The following GPR157 variants were observed in gnomAD, a reference collection of about 807,000 sequenced individuals.
The protein encoded by GPR157 is G-protein coupled receptor 157.
Under a neutral mutation model 23.5 loss-of-function variants are expected in GPR157, and 16 were observed. The ratio of observed to expected loss-of-function variants is 0.68; its 90% CI spans 0.46 to 1.04. GPR157 has a LOEUF of 1.04. Ranked by LOEUF, GPR157 falls within the 50% of genes least tolerant of loss-of-function variation. GPR157 has a pLI of 0.00. For missense variants in GPR157, 440 were observed against 460.7 expected (o/e 0.96, Z 0.41); for synonymous variants, 200 against 221.5 (o/e 0.90, Z 0.86).
rs1386158113 is a variant in GPR157 at position 9,105,007 on chromosome 1, C to CT, written c.793-374_793-373insA. Among the ~76,000 whole-genome samples the CT allele has an allele frequency of 3.8e-4, 56 of 145,562 alleles. 2 individuals are homozygous for CT. The highest frequency in any genetic ancestry group is 7.3e-4 in the Non-Finnish European group (48 of 65,980). On this transcript the variant is annotated intron_variant, in intron 3 of 3. Coordinates refer to ENST00000377411, the MANE Select transcript of GPR157 (RefSeq NM_024980.5). The surrounding 1 kb of genome is among the most constrained non-coding windows in gnomAD (Gnocchi z 4.8). Reference sequence around the variant, plus strand: ...AAAGCCAGACTCTGTCCCCGCACCCCCCCCCAAAAAAGAGAAATGGCTGAG... The same window carrying CT: ...AAAGCCAGACTCTGTCCCCGCACCCCTCCCCCAAAAAAGAGAAATGGCTGAG...
At position 9,104,404 on chromosome 1, in the gene GPR157, A is replaced by G; in HGVS notation, c.*15T>C. 4 of 1,606,056 alleles carry G rather than the reference A, an allele frequency of 2.5e-6. No individual in the cohort carries two copies. Among genetic ancestry groups the G allele is most frequent in the Middle Eastern group, 1.7e-4 (1 of 6,022 alleles). On this transcript the variant is annotated 3_prime_UTR_variant, in exon 4 of 4. Transcript: ENST00000377411. Reference sequence around the variant, plus strand: ...GAAGGCAGCACCTATGCACAGAACTAGAAAGGACAAAAGCTCAGGTGCTTG... The same window carrying G: ...GAAGGCAGCACCTATGCACAGAACTGGAAAGGACAAAAGCTCAGGTGCTTG...
In GPR157 at chr1:9,128,415, C is replaced by T. The variant is rs1186222764; in HGVS notation, c.383+230G>A. 5.8e-6 allele frequency: 4 copies of T among 695,118 alleles called. No homozygotes were observed. The highest frequency in any genetic ancestry group is 5.4e-5 in the East Asian group (2 of 37,002). The allele number at this position is 695,118 out of a possible 1,614,324, so 43.1% of individuals were successfully genotyped here. On this transcript the variant is annotated intron_variant, in intron 1 of 3. Transcript: ENST00000377411. This position sits in a 1 kb window ranked among gnomAD's most constrained non-coding sequence, Gnocchi z 6.3. ...GGGGGCGAACTCTGTCCCCACTACC[C>T]CAAGGGGCTGTGCCCTGGGGCAGGC...
intron 1 of GPR157, among the ~76,000 whole-genome samples, chr1:9,121,763 A>G (rs1638802432): frequency 6.6e-6 from 1 of 152,128 alleles, no homozygotes. Flanking sequence ...TATGGCAAAC[A>G]TGGGGGGTCA....
intron 2 of GPR157, among the ~76,000 whole-genome samples, chr1:9,108,837 G>C (rs1463581144): frequency 6.6e-6 from 1 of 151,720 alleles, no homozygotes; most frequent in African/African-American, 2.4e-5. Context: ...CCAGGCTGGA[G>C]TGCAGTGGCG....
chr1:9,127,891 C>T (rs565246860), intron 1 of GPR157, among the ~76,000 whole-genome samples: 22 of 152,244 alleles, frequency 1.4e-4, no homozygotes, highest in African/African-American at 5.3e-4. Flanking sequence ...CCTGACATTC[C>T]CCAGGGAAGG....
Position 9,128,919 on chromosome 1 carries a change from C to G in GPR157, c.109G>C (p.Ala37Pro). The G allele has an allele frequency of 6.5e-7, 1 of 1,539,614 alleles. No individual in the cohort carries two copies. Among genetic ancestry groups the G allele is most frequent in the Non-Finnish European group, 8.7e-7 (1 of 1,144,958 alleles). Residue 37 changes from alanine (A) to proline (P), a missense_variant, in exon 1 of 4, where the codon GCC (alanine) becomes CCC (proline). Physicochemically the swap from Ala to Pro is conservative, Grantham distance 27. Transcript: ENST00000377411. This position sits in a 1 kb window ranked among gnomAD's most constrained non-coding sequence, Gnocchi z 6.3. Reference protein sequence around the residue: ...LGSGLLVATHALWPDLRSRAR... With the variant: ...LGSGLLVATHPLWPDLRSRAR... ...CGGCTGCGCAGGTCGGGCCACAGGG[C>G]GTGCGTGGCCACCAGCAGGCCCGAG...
In GPR157 at chr1:9,102,373, TGCACTCCA is replaced by T; in HGVS notation, c.*2038_*2045del. On this transcript the variant is annotated 3_prime_UTR_variant, in exon 4 of 4. Transcript: ENST00000377411. ...TTGCAGTGAGTCAAAATTGCACCAC[TGCACTCCA>T]GCCTGGGCAATAGAGTGAGACTCCA... is the stretch of plus-strand genomic sequence containing the variant. 1 of 131,968 alleles carries T rather than the reference TGCACTCCA, an allele frequency of 7.6e-6. No homozygotes were observed. 8.2% of individuals were successfully genotyped at this position (131,968 alleles called of 1,614,324 possible). A position where few individuals can be genotyped will look rare whatever the true frequency, so the allele number is the denominator to read the frequency against.
rs1439620646 is a variant in GPR157 at position 9,128,958 on chromosome 1, G to GT, written c.69dup (p.Leu24ThrfsTer125). 6.7e-6 allele frequency: 10 copies of GT among 1,492,366 alleles called. No individual in the cohort carries two copies. The East Asian group carries it at 2.5e-4, about 37-fold the overall frequency. The allele number at this position is 1,492,366 out of a possible 1,614,324, so 92.4% of individuals were successfully genotyped here. ...AGCAGGCCCGAGCCGAGCGCGGAGA[G>GT]TGCGCACGACAGCAGCACCACGGCG... On this transcript the variant is annotated frameshift_variant, in exon 1 of 4. Coordinates refer to ENST00000377411, the MANE Select transcript of GPR157 (RefSeq NM_024980.5). LOFTEE classifies it high-confidence loss of function. This position sits in a 1 kb window ranked among gnomAD's most constrained non-coding sequence, Gnocchi z 6.3.
At position 9,128,824 on chromosome 1, in the gene GPR157, C is replaced by T; in HGVS notation, c.204G>A (p.Val68=). 6.2e-7 allele frequency: 1 copy of T among 1,609,116 alleles called. No homozygotes were observed. Among genetic ancestry groups the T allele is most frequent in the Non-Finnish European group, 8.5e-7 (1 of 1,178,142 alleles). Residue 68 remains valine (V), a synonymous_variant, in exon 1 of 4, where the codon GTG becomes GTA. Coordinates refer to ENST00000377411, the MANE Select transcript of GPR157 (RefSeq NM_024980.5). The surrounding 1 kb of genome is among the most constrained non-coding windows in gnomAD (Gnocchi z 6.3). ...ACGACGGGCCCGCGAAGTTCTGCAGCACTCCGTAGAAGTAGGAGGCGGCCG... is the reference window on the plus strand; with the variant it reads ...ACGACGGGCCCGCGAAGTTCTGCAGTACTCCGTAGAAGTAGGAGGCGGCCG... ...LLSAASYFYG[V]LQNFAGPSWD...
At chr1:9,109,586 G>T (rs184444670) in intron 2 of GPR157, among the ~76,000 whole-genome samples, 108 of 151,988 alleles carry the variant, frequency 7.1e-4, no homozygotes, top group Non-Finnish European at 4.7e-4. Context: ...TAGAGACAGG[G>T]TTTCACTGTG....
At chr1:9,116,560 G>A in intron 1 of GPR157, among the ~76,000 whole-genome samples, 1 of 146,204 alleles carries the variant, frequency 6.8e-6, no homozygotes, top group East Asian at 2.1e-4. Context: ...GACCAACATG[G>A]TGAAACCCCG....
At chr1:9,125,931 C>T (rs1638953279) in intron 1 of GPR157, among the ~76,000 whole-genome samples, 1 of 151,274 alleles carries the variant, frequency 6.6e-6, no homozygotes, top group Non-Finnish European at 1.5e-5. Context: ...TAGAAAAATG[C>T]CAGTGAAACT....
chr1:9,126,988 C>T (rs1225208977), intron 1 of GPR157, among the ~76,000 whole-genome samples: 1 of 151,894 alleles, frequency 6.6e-6, no homozygotes, highest in African/African-American at 2.4e-5. Context: ...CAGGCTCAAG[C>T]GATCCTCCCA....
chr1:9,111,147 T>A (rs1278505257), intron 2 of GPR157, 129 bp downstream of exon 2: 1 of 792,704 alleles, frequency 1.3e-6, no homozygotes, highest in African/African-American at 1.7e-5. Context: ...CCTGGTCCCC[T>A]CTGGCCCATC....
At chr1:9,110,963 GAC>G (rs1274837283) in intron 2 of GPR157, among the ~76,000 whole-genome samples, 3 of 152,166 alleles carry the variant, frequency 2.0e-5, no homozygotes, top group Non-Finnish European at 4.4e-5. Flanking sequence ...CATGACCAAG[GAC>G]ACAGCAGCCC....
At chr1:9,116,339 T>TATATATAATATATATAAA (rs1491438357) in intron 1 of GPR157, among the ~76,000 whole-genome samples, 3 of 13,964 alleles carry the variant, frequency 2.1e-4, no homozygotes, top group Non-Finnish European at 3.0e-4. Context: ...TTATATATAA[T>TATATATAATATATATAAA]TTATATATAA....
At chr1:9,114,544 G>A (rs1178530637) in intron 1 of GPR157, among the ~76,000 whole-genome samples, 1 of 152,130 alleles carries the variant, frequency 6.6e-6, no homozygotes, top group African/African-American at 2.4e-5. Flanking sequence ...TTGGGCCTGG[G>A]AGGGTCACGG....
At chr1:9,110,297 C>T (rs1638451887) in intron 2 of GPR157, among the ~76,000 whole-genome samples, 1 of 152,214 alleles carries the variant, frequency 6.6e-6, no homozygotes, top group East Asian at 1.9e-4. Flanking sequence ...CCGAGGTGGG[C>T]GGATCACTTG....
In GPR157 at chr1:9,118,870, C is replaced by CA. The variant is rs1230344137; in HGVS notation, c.384-7382dup. The stretch of plus-strand genomic sequence containing the variant: ...GCAACAAAGTGAGACCCTGTCTCTA[C>CA]AAAAAAATACATAAATTAGCCAGGC... On this transcript the variant is annotated intron_variant, in intron 1 of 3. Transcript: ENST00000377411. The surrounding 1 kb of genome is among the most constrained non-coding windows in gnomAD (Gnocchi z 4.6). Among the ~76,000 whole-genome samples, 1 of 151,858 alleles carries CA rather than the reference C, an allele frequency of 6.6e-6. No homozygotes were observed. Among genetic ancestry groups the CA allele is most frequent in the Admixed American group, 6.6e-5 (1 of 15,232 alleles).
Sources: gnomAD v4.1 joint callset for allele counts (sites outside exome capture counted in the v4.1 genomes callset) on GRCh38, gnomAD v4.1.1 for gene constraint, Gnocchi (gnomAD v3.1) non-coding constraint, MANE v1.5 for transcripts, NCBI Gene and HGNC (gene_info 2026-07-23, HGNC 2026-07-21) for gene names.